PDE4C: variants seen among roughly 807,000 people sequenced by gnomAD.
The protein encoded by PDE4C is 3',5'-cyclic-AMP phosphodiesterase 4C.
Under a neutral mutation model 63.9 loss-of-function variants are expected in PDE4C, and 50 were observed. The ratio of observed to expected loss-of-function variants is 0.78; its 90% CI spans 0.62 to 0.99. The LOEUF (loss-of-function observed/expected upper bound fraction) is 0.99. Ranked by LOEUF, PDE4C falls within the 50% of genes least tolerant of loss-of-function variation. The pLI is 0.00. For synonymous variants in PDE4C, 377 were observed against 385.1 expected (o/e 0.98, Z 0.25); for missense variants, 777 against 899.1 (o/e 0.86, Z 1.74).
upstream of PDE4C, among the ~76,000 whole-genome samples, chr19:18,249,271 C>A (rs1217124232): frequency 6.6e-6 from 1 of 151,970 alleles, no homozygotes; most frequent in Non-Finnish European, 1.5e-5. Context: ...GCCCGGCACC[C>A]CCAGTTTTGT....
rs1317221101 is a variant in PDE4C, at chr19:18,222,312, TC to T, written c.157del (p.Glu53LysfsTer66). The T allele has an allele frequency of 6.2e-7, 1 of 1,610,082 alleles. No homozygotes were observed. The highest frequency in any genetic ancestry group is 1.3e-5 in the African/African-American group (1 of 74,798). Reference sequence around the variant, plus strand: ...CCTCCTCCCACACGAGAGCCCATTTTCCAGGTCAAAGCTGAAAGGAGAGACG... The same window carrying T: ...CCTCCTCCCACACGAGAGCCCATTTTCAGGTCAAAGCTGAAAGGAGAGACG... On this transcript the variant is annotated frameshift_variant, in exon 2 of 15. Coordinates refer to ENST00000262805, the Ensembl canonical transcript of PDE4C. LOFTEE classifies it high-confidence loss of function.
chr19:18,220,855 G>A lies in PDE4C; in HGVS notation c.499+19C>T. 1 of 1,605,368 alleles carries A rather than the reference G, an allele frequency of 6.2e-7. No individual in the cohort carries two copies. Among genetic ancestry groups the A allele is most frequent in the Admixed American group, 1.7e-5 (1 of 58,414 alleles). ...TCCCAGCTGTCCTCAGCGGGGGAGG[G>A]AAGGAACAGGTACTTTACCTGCAGG... On this transcript the variant is annotated intron_variant, in intron 5 of 14. Coordinates refer to ENST00000262805, the Ensembl canonical transcript of PDE4C. This position sits in a 1 kb window ranked among gnomAD's most constrained non-coding sequence, Gnocchi z 5.1.
chr19:18,211,960 G>C lies in PDE4C; in HGVS notation c.1513-19C>G. ...GCAAGACCTACAGAGATCGAGGCTT[G>C]GGAGGGCACTGGCGGGGCCCAGCCA... is the stretch of plus-strand genomic sequence containing the variant. On this transcript the variant is annotated intron_variant, in intron 13 of 14. Coordinates refer to ENST00000262805, the Ensembl canonical transcript of PDE4C. 2 of 1,608,512 alleles carry C rather than the reference G, an allele frequency of 1.2e-6. No individual in the cohort carries two copies. Among genetic ancestry groups the C allele is most frequent in the South Asian group, 1.1e-5 (1 of 91,034 alleles).
At chr19:18,245,355 G>A (rs1969111609) in intron 1 of PDE4C, among the ~76,000 whole-genome samples, 1 of 151,886 alleles carries the variant, frequency 6.6e-6, no homozygotes, top group Admixed American at 6.6e-5. Flanking sequence ...AGTAGAGACA[G>A]GGTTTCTCCA....
At chr19:18,241,117 C>G (rs1044827162) in intron 1 of PDE4C, among the ~76,000 whole-genome samples, 13 of 151,934 alleles carry the variant, frequency 8.6e-5, no homozygotes, top group Non-Finnish European at 1.3e-4. Flanking sequence ...CGGGAGAGTT[C>G]CTGGTAGCTG....
intron 12 of PDE4C, 72 bp downstream of exon 12, chr19:18,216,669 T>C (rs1272825939): frequency 6.9e-6 from 10 of 1,442,586 alleles, no homozygotes; most frequent in Non-Finnish European, 5.6e-6. Flanking sequence ...CACCCCACCC[T>C]GCTGTCTGCA....
chr19:18,208,798 G>C (rs555538074), downstream of PDE4C: 1 of 152,194 alleles, frequency 6.6e-6, no homozygotes, highest in Non-Finnish European at 1.5e-5. Context: ...AGGGGAAACT[G>C]AGGCCCAGAA....
chr19:18,248,667 G>A (rs943680842), upstream of PDE4C, among the ~76,000 whole-genome samples: 2 of 152,052 alleles, frequency 1.3e-5, no homozygotes, highest in African/African-American at 4.8e-5. Context: ...TGTGGCCTAA[G>A]GAGCTTGGGG....
intron 13 of PDE4C, among the ~76,000 whole-genome samples, chr19:18,212,204 GT>G (rs540480971): frequency 8.1e-4 from 122 of 150,374 alleles, no homozygotes; most frequent in African/African-American, 2.9e-3. Flanking sequence ...TTTTTAATGA[GT>G]TAGGGTCTCA....
rs761243870 is a variant in PDE4C, at chr19:18,220,570, G to A, written c.500-55C>T. The A allele has an allele frequency of 2.0e-5, 29 of 1,457,626 alleles. No individual in the cohort carries two copies. The highest frequency in any genetic ancestry group is 2.7e-5 in the Non-Finnish European group (28 of 1,051,758). 90.3% of individuals were successfully genotyped at this position (1,457,626 alleles called of 1,614,324 possible). On this transcript the variant is annotated intron_variant, in intron 5 of 14. Transcript: ENST00000262805. This position sits in a 1 kb window ranked among gnomAD's most constrained non-coding sequence, Gnocchi z 5.1. ...CAACCCCCCCGCTCAGGGACCCCAC[G>A]CCTCTCGCGACTTCGTCTCTTCATC...
upstream of PDE4C, among the ~76,000 whole-genome samples, chr19:18,249,659 C>T (rs576890647): frequency 6.6e-5 from 10 of 150,922 alleles, no homozygotes; most frequent in Admixed American, 3.3e-4. Flanking sequence ...CTGCAACCTC[C>T]GCCTCCCTGG....
chr19:18,226,011 T>C (rs548005939), intron 1 of PDE4C, among the ~76,000 whole-genome samples: 1 of 152,342 alleles, frequency 6.6e-6, no homozygotes, highest in East Asian at 1.9e-4. Flanking sequence ...GACAGACGGC[T>C]GGTCCCCTGG....
At chr19:18,231,218 G>GCC (rs927548766), upstream of PDE4C, among the ~76,000 whole-genome samples, 3 of 152,212 alleles carry the variant, frequency 2.0e-5, no homozygotes, top group African/African-American at 7.2e-5. Flanking sequence ...AGCACAGTGG[G>GCC]CCACATGCAT....
At chr19:18,217,733 C>T (rs571465844) in intron 11 of PDE4C, among the ~76,000 whole-genome samples, 9 of 151,882 alleles carry the variant, frequency 5.9e-5, no homozygotes, top group East Asian at 1.9e-4. Flanking sequence ...CCTGTCTCTA[C>T]GAAAAATACA....
chr19:18,243,955 T>C (rs1314113444), intron 1 of PDE4C, among the ~76,000 whole-genome samples: 1 of 151,738 alleles, frequency 6.6e-6, no homozygotes, highest in Non-Finnish European at 1.5e-5. Context: ...CCCTGTTTCA[T>C]GTGATTCTCC....
chr19:18,224,359 G>A, intron 1 of PDE4C: 1 of 985,466 alleles, frequency 1.0e-6, no homozygotes, highest in African/African-American at 1.7e-5. Flanking sequence ...AAGACTTTTG[G>A]GTCAAAGGTC....
At chr19:18,250,009 A>C (rs1233449564), upstream of PDE4C, 4 of 397,952 alleles carry the variant, frequency 1.0e-5, no homozygotes, top group East Asian at 1.4e-4. Flanking sequence ...ACACGAGTCC[A>C]TAACTCGTGT....
At chr19:18,214,948 CAAA>C (rs34534126) in intron 12 of PDE4C, among the ~76,000 whole-genome samples, 12 of 102,310 alleles carry the variant, frequency 1.2e-4, no homozygotes, top group Admixed American at 1.0e-4. Flanking sequence ...GACTCCATTT[CAAA>C]AAAAAAAAAA....
At chr19:18,243,456 A>G (rs1313341604) in intron 1 of PDE4C, among the ~76,000 whole-genome samples, 1 of 151,996 alleles carries the variant, frequency 6.6e-6, no homozygotes, top group East Asian at 1.9e-4. Context: ...GAAAGCCAGG[A>G]GTCACACAGT....
Sources: gnomAD v4.1 joint callset for allele counts (sites outside exome capture counted in the v4.1 genomes callset) on GRCh38, gnomAD v4.1.1 for gene constraint, Gnocchi (gnomAD v3.1) non-coding constraint, MANE v1.5 for transcripts, NCBI Gene and HGNC (gene_info 2026-07-23, HGNC 2026-07-21) for gene names.